Variants in ARSJ observed in about 807,000 individuals in gnomAD.
ARSJ encodes arylsulfatase J.
A neutral mutation model predicts 35.9 loss-of-function variants in ARSJ; 26 were observed. The observed-to-expected ratio is 0.72, with a 90% confidence interval of 0.53 to 1.00. ARSJ has a LOEUF of 1.00. Among genes scored for constraint, ARSJ ranks in the 50% least tolerant of loss-of-function variants. The pLI is 0.00. For synonymous variants in ARSJ, 294 were observed against 267.6 expected, an observed-to-expected ratio of 1.10 and a Z score of -0.96; for missense variants, 667 against 723.6, an observed-to-expected ratio of 0.92 and a Z score of 0.90.
chr4:113,910,626 A>G (rs1184604411), intron 1 of ARSJ, among the ~76,000 whole-genome samples: 1 of 152,190 alleles, frequency 6.6e-6, no homozygotes, highest in Non-Finnish European at 1.5e-5. Flanking sequence ...AATTCTATTT[A>G]TGGGCCTTAA....
intron 1 of ARSJ, among the ~76,000 whole-genome samples, chr4:113,966,037 A>C (rs1346664405): frequency 6.6e-6 from 1 of 151,966 alleles, no homozygotes; most frequent in African/African-American, 2.4e-5. Flanking sequence ...TTCACATTGA[A>C]GATTAGGGAC....
chr4:113,935,975 G>T (rs1222351490), intron 1 of ARSJ, among the ~76,000 whole-genome samples: 1 of 151,952 alleles, frequency 6.6e-6, no homozygotes, highest in Non-Finnish European at 1.5e-5. Context: ...CAGAAGTGAA[G>T]GTTGAATGTT....
intron 1 of ARSJ, among the ~76,000 whole-genome samples, chr4:113,929,470 G>A (rs932758972): frequency 1.3e-5 from 2 of 152,114 alleles, no homozygotes; most frequent in African/African-American, 2.4e-5. Context: ...GGATGGGGAA[G>A]TTGTCCCTTC....
chr4:113,924,241 G>C (rs893371989), intron 1 of ARSJ, among the ~76,000 whole-genome samples: 2 of 151,336 alleles, frequency 1.3e-5, no homozygotes. Context: ...GGAGTCCAAC[G>C]TTCGAGGGCA....
In ARSJ at chr4:113,920,132, T is replaced by TA. The variant is rs59443472; in HGVS notation, c.399-16458dup. Among the ~76,000 whole-genome samples, 116 of 152,206 alleles carry TA rather than the reference T, an allele frequency of 7.6e-4. 3 individuals are homozygous for TA. In the East Asian group the frequency reaches 0.019, roughly 25 times the overall value. ...GCTGACAGTTATAGTTTCTGAGAGTTAAAAAAATTAAAAACACTGTTTTGC... is the reference window on the plus strand; with the variant it reads ...GCTGACAGTTATAGTTTCTGAGAGTTAAAAAAAATTAAAAACACTGTTTTGC... On this transcript the variant is annotated intron_variant, in intron 1 of 1. Coordinates refer to ENST00000315366, the MANE Select transcript of ARSJ (RefSeq NM_024590.4).
At chr4:113,950,517 A>G (rs1276592154) in intron 1 of ARSJ, among the ~76,000 whole-genome samples, 1 of 152,068 alleles carries the variant, frequency 6.6e-6, no homozygotes, top group East Asian at 1.9e-4. Flanking sequence ...ATTATCCAAC[A>G]GTTGTGAGAC....
Position 113,903,534 on chromosome 4 carries a change from A to C in ARSJ, c.540T>G (p.Gly180=), listed in dbSNP as rs751693419. The C allele has an allele frequency of 6.2e-7, 1 of 1,613,792 alleles. No individual in the cohort carries two copies. Among genetic ancestry groups the C allele is most frequent in the East Asian group, 2.2e-5 (1 of 44,876 alleles). The change falls in exon 2 of 2, where the codon GGT becomes GGG. Residue 180 remains glycine, a synonymous_variant. Coordinates refer to ENST00000315366, the MANE Select transcript of ARSJ (RefSeq NM_024590.4). ...STHMVGKWHL[G]FYRKECMPTR... is the part of the protein sequence containing the mutation. ...TGGGCATGCATTCTTTTCTGTAAAA[A>C]CCCAAGTGCCATTTTCCGACCATAT...
intron 1 of ARSJ, among the ~76,000 whole-genome samples, chr4:113,939,089 G>C (rs907336709): frequency 4.0e-5 from 5 of 125,062 alleles, no homozygotes; most frequent in African/African-American, 1.2e-4. Flanking sequence ...AGAGCCCAGA[G>C]TGTGATGTTC....
In ARSJ at chr4:113,955,039, C is replaced by G. The variant is rs772237428; in HGVS notation, c.398+23398G>C. Among the ~76,000 whole-genome samples the G allele has an allele frequency of 1.1e-3, 171 of 149,132 alleles. 1 individual carries two copies. The highest frequency in any genetic ancestry group is 1.9e-3 in the Admixed American group (29 of 14,986). On this transcript the variant is annotated intron_variant, in intron 1 of 1. Transcript: ENST00000315366. ...TTTTTGAGCATATGTGAGCATACAG[C>G]ATCTGTTTCCAAGCCTATACCAGAT...
intron 1 of ARSJ, among the ~76,000 whole-genome samples, chr4:113,970,002 C>G (rs1010017026): frequency 1.6e-4 from 24 of 152,148 alleles, no homozygotes; most frequent in Admixed American, 7.2e-4. Context: ...TAAGAAAGCT[C>G]ATCGTTGAGA....
chr4:113,966,664 T>C (rs959011049), intron 1 of ARSJ, among the ~76,000 whole-genome samples: 2 of 152,180 alleles, frequency 1.3e-5, no homozygotes, highest in Non-Finnish European at 2.9e-5. Context: ...ACACATAATA[T>C]AGGAAGGTAA....
intron 1 of ARSJ, among the ~76,000 whole-genome samples, chr4:113,910,239 A>G (rs1432201336): frequency 6.6e-6 from 1 of 152,188 alleles, no homozygotes; most frequent in African/African-American, 2.4e-5. Context: ...GTGAAGGTAT[A>G]TAATTTTTTG....
At chr4:113,926,579 A>T (rs1459426282) in intron 1 of ARSJ, among the ~76,000 whole-genome samples, 1 of 152,128 alleles carries the variant, frequency 6.6e-6, no homozygotes, top group African/African-American at 2.4e-5. Context: ...GCAGGGTGGC[A>T]GGAGTGGGGA....
chr4:113,920,719 G>T (rs180806288), intron 1 of ARSJ, among the ~76,000 whole-genome samples: 358 of 152,152 alleles, frequency 2.4e-3, no homozygotes, highest in African/African-American at 8.3e-3. Flanking sequence ...GTCCATGAGG[G>T]GACAAGAGTT....
At chr4:113,978,287 C>T (rs1594533162) in intron 1 of ARSJ, 150 bp downstream of exon 1, 1 of 740,928 alleles carries the variant, frequency 1.3e-6, no homozygotes, top group Non-Finnish European at 2.1e-6. Flanking sequence ...CATTTTAACA[C>T]GGTACCCCAA....
At chr4:113,933,833 T>A (rs1194076575) in intron 1 of ARSJ, among the ~76,000 whole-genome samples, 1 of 151,732 alleles carries the variant, frequency 6.6e-6, no homozygotes, top group East Asian at 1.9e-4. Context: ...AGAATTCCTG[T>A]TTTTAGCATT....
chr4:113,940,682 GAGA>G (rs1725098929), intron 1 of ARSJ, among the ~76,000 whole-genome samples: 1 of 151,738 alleles, frequency 6.6e-6, no homozygotes. Flanking sequence ...AGAGTATCCA[GAGA>G]AGGAGGTGGA....
chr4:113,903,100 G>C lies in ARSJ; in HGVS notation c.974C>G (p.Ser325Cys), dbSNP rs201123448. 2 of 1,614,188 alleles carry C rather than the reference G, an allele frequency of 1.2e-6. No homozygotes were observed. Among genetic ancestry groups the C allele is most frequent in the East Asian group, 2.2e-5 (1 of 44,882 alleles). The change falls in exon 2 of 2, where the codon TCT (serine) becomes TGT (cysteine). Residue 325 changes from serine (S) to cysteine (C), a missense_variant. Ser to Cys is a moderately radical substitution (Grantham distance 112). Transcript: ENST00000315366. ...CGTAGGCTGGCCACCATTATCTGAAGAGTAAATGATAATGCTGTTGTTATA... is the reference window on the plus strand; with the variant it reads ...CGTAGGCTGGCCACCATTATCTGAACAGTAAATGATAATGCTGTTGTTATA... ...GFYNNSIIIY[S>C]SDNGGQPTAG... is the part of the protein sequence containing the mutation.
intron 1 of ARSJ, among the ~76,000 whole-genome samples, chr4:113,924,076 A>AATATATATATATATATATATATAT (rs1164333093): frequency 1.0e-5 from 1 of 95,730 alleles, no homozygotes; most frequent in African/African-American, 4.8e-5. Flanking sequence ...AATATATATA[A>AATATATATATATATATATATATAT]ATATATATAT....
Sources: gnomAD v4.1 joint callset for allele counts (sites outside exome capture counted in the v4.1 genomes callset) on GRCh38, gnomAD v4.1.1 for gene constraint, MANE v1.5 for transcripts, NCBI Gene and HGNC (gene_info 2026-07-23, HGNC 2026-07-21) for gene names.